Variants in GPC5 observed in about 807,000 individuals in gnomAD.
GPC5 encodes the protein glypican 5.
In GPC5, 47 loss-of-function variants were observed where a neutral mutation model predicts 53.9. That is an observed-to-expected ratio of 0.87 (90% CI 0.69 to 1.11). The LOEUF is 1.11. GPC5 is among the 50% of genes most tolerant of loss of function. The pLI, the probability that GPC5 is intolerant of heterozygous loss-of-function variation, is 0.00. For missense variants in GPC5, 748 were observed against 713.1 expected (o/e 1.05, Z -0.56); for synonymous variants, 286 against 263.3 (o/e 1.09, Z -0.84).
At chr13:92,197,668 T>G (rs1200447048) in intron 7 of GPC5, among the ~76,000 whole-genome samples, 1 of 151,680 alleles carries the variant, frequency 6.6e-6, no homozygotes, top group Non-Finnish European at 1.5e-5. Context: ...TGGCTAATTT[T>G]TTTTTTTTTT....
At chr13:92,277,206 A>AGATTCCCTTGAAGATGTT (rs2042882164) in intron 7 of GPC5, among the ~76,000 whole-genome samples, 2 of 152,014 alleles carry the variant, frequency 1.3e-5, no homozygotes, top group African/African-American at 4.8e-5. Context: ...GGGAATTGAC[A>AGATTCCCTTGAAGATGTT]CCCACCATGG....
chr13:91,595,111 C>A (rs944497020), intron 2 of GPC5, among the ~76,000 whole-genome samples: 1 of 151,778 alleles, frequency 6.6e-6, no homozygotes, highest in South Asian at 2.1e-4. Flanking sequence ...GCAACCTCCA[C>A]CTGTTGGGTT....
intron 7 of GPC5, among the ~76,000 whole-genome samples, chr13:92,621,586 C>G (rs1293272841): frequency 6.6e-6 from 1 of 152,030 alleles, no homozygotes; most frequent in African/African-American, 2.4e-5. Context: ...TTTGGGAGGA[C>G]AAAGTGGGGG....
chr13:92,534,201 C>T (rs895292092), intron 7 of GPC5, among the ~76,000 whole-genome samples: 1 of 152,056 alleles, frequency 6.6e-6, no homozygotes, highest in African/African-American at 2.4e-5. Flanking sequence ...ATAGGATGGT[C>T]GCTTGAGCCT....
At chr13:92,660,208 G>T (rs1488172347) in intron 7 of GPC5, among the ~76,000 whole-genome samples, 7 of 151,910 alleles carry the variant, frequency 4.6e-5, no homozygotes, top group Non-Finnish European at 8.8e-5. Context: ...TTTTCAATTT[G>T]TTTATGTTCT....
chr13:92,527,249 G>GAAAGAAAGAAAGAAAGAAAGAAAGAA, intron 7 of GPC5, among the ~76,000 whole-genome samples: 1 of 32,718 alleles, frequency 3.1e-5, no homozygotes, highest in East Asian at 1.1e-3. Flanking sequence ...AAGAAAGAAA[G>GAAAGAAAGAAAGAAAGAAAGAAAGAA]AGAAAGAAAG....
At chr13:92,450,099 CA>C (rs759015476) in intron 7 of GPC5, among the ~76,000 whole-genome samples, 35 of 152,032 alleles carry the variant, frequency 2.3e-4, no homozygotes, top group Admixed American at 3.9e-4. Context: ...AGAAGTAAAA[CA>C]TTTCTTCCCT....
rs1358791928 is a variant in GPC5 at position 92,729,362 on chromosome 13, A to G, written c.1562-136920A>G. On this transcript the variant is annotated intron_variant, in intron 7 of 7. Transcript: ENST00000377067. ...TCTATTGAGCATTTGTAATGTAATT[A>G]GTAGAAATTGGGATGTGCTGTGAGT... 3.3e-5 allele frequency among the ~76,000 whole-genome samples: 5 copies of G among 151,462 alleles called. No individual in the cohort carries two copies. In the East Asian group the frequency reaches 9.7e-4, roughly 29 times the overall value.
intron 2 of GPC5, among the ~76,000 whole-genome samples, chr13:91,529,870 TG>T (rs2138654967): frequency 6.6e-6 from 1 of 152,218 alleles, no homozygotes; most frequent in East Asian, 1.9e-4. Flanking sequence ...CGGTCACAAG[TG>T]GGTCTGAGCT....
chr13:92,217,494 C>G (rs1005521598), intron 7 of GPC5, among the ~76,000 whole-genome samples: 10 of 152,250 alleles, frequency 6.6e-5, no homozygotes, highest in Admixed American at 1.3e-4. Flanking sequence ...CAGAATCCCC[C>G]TTACTCCTGA....
chr13:92,226,611 ACTTTTTTTTTTCTTTTTTT>A (rs1332660900), intron 7 of GPC5, among the ~76,000 whole-genome samples: 64 of 151,662 alleles, frequency 4.2e-4, no homozygotes, highest in African/African-American at 1.5e-3. Context: ...AACAAGCAGA[ACTTTTTTTTTTCTTTTTTT>A]CTTTTTTTTT....
intron 6 of GPC5, among the ~76,000 whole-genome samples, chr13:92,097,963 A>C (rs899244054): frequency 1.3e-5 from 2 of 152,148 alleles, no homozygotes; most frequent in African/African-American, 2.4e-5. Flanking sequence ...ATTGCTTGAC[A>C]CCTTTAAGTC....
chr13:91,998,017 T>G (rs1451170813), intron 6 of GPC5, among the ~76,000 whole-genome samples: 1 of 152,250 alleles, frequency 6.6e-6, no homozygotes, highest in Non-Finnish European at 1.5e-5. Flanking sequence ...ATTTTTATAG[T>G]AGTTTATAAA....
intron 7 of GPC5, among the ~76,000 whole-genome samples, chr13:92,599,282 T>G (rs1883972470): frequency 6.6e-6 from 1 of 152,186 alleles, no homozygotes; most frequent in Admixed American, 6.5e-5. Flanking sequence ...GAACTATATT[T>G]AGGGAACCAG....
intron 7 of GPC5, among the ~76,000 whole-genome samples, chr13:92,842,281 A>T (rs115812238): frequency 8.5e-5 from 13 of 152,220 alleles, no homozygotes; most frequent in African/African-American, 3.1e-4. Context: ...AGGCCAAGGA[A>T]TGTATTACTC....
Position 92,764,607 on chromosome 13 carries a change from CGATCCCAACTGG to C in GPC5, c.1562-101672_1562-101661del, listed in dbSNP as rs1293966325. On this transcript the variant is annotated intron_variant, in intron 7 of 7. Coordinates refer to ENST00000377067, the MANE Select transcript of GPC5 (RefSeq NM_004466.6). The stretch of plus-strand genomic sequence containing the variant: ...GGAGAAGTTGCTGCTAGTTCTCAGT[CGATCCCAACTGG>C]GAGATAGAGTGGTAGAGGTAGAGTG... Among the ~76,000 whole-genome samples, 9 of 152,284 alleles carry C rather than the reference CGATCCCAACTGG, an allele frequency of 5.9e-5. No individual in the cohort carries two copies. The East Asian group carries it at 1.5e-3, about 26-fold the overall frequency.
rs557630440 is a variant in GPC5 at position 92,773,171 on chromosome 13, G to T, written c.1562-93111G>T. 2.6e-5 allele frequency among the ~76,000 whole-genome samples: 4 copies of T among 152,112 alleles called. No individual in the cohort carries two copies. In the East Asian group the frequency reaches 5.8e-4, roughly 22 times the overall value. On this transcript the variant is annotated intron_variant, in intron 7 of 7. Coordinates refer to ENST00000377067, the MANE Select transcript of GPC5 (RefSeq NM_004466.6). ...TTTCCAGAATTTAGTATAATATATT[G>T]CTTCTGAAATAAATACACATTCTCT...
intron 7 of GPC5, among the ~76,000 whole-genome samples, chr13:92,795,556 G>T (rs941362051): frequency 2.0e-5 from 3 of 152,028 alleles, no homozygotes; most frequent in Non-Finnish European, 2.9e-5. Context: ...AAGAATTTCT[G>T]CACGGCAAAA....
At chr13:92,408,170 C>G (rs1875876161) in intron 7 of GPC5, among the ~76,000 whole-genome samples, 1 of 152,136 alleles carries the variant, frequency 6.6e-6, no homozygotes, top group South Asian at 2.1e-4. Context: ...ACTGCCCATG[C>G]GAGGGATCTA....
Sources: gnomAD v4.1 joint callset for allele counts (sites outside exome capture counted in the v4.1 genomes callset) on GRCh38, gnomAD v4.1.1 for gene constraint, MANE v1.5 for transcripts, NCBI Gene and HGNC (gene_info 2026-07-23, HGNC 2026-07-21) for gene names.